Variants in CPAP observed in about 807,000 individuals in gnomAD.
CPAP encodes centrosome assembly and centriole elongation protein.
chr13:24,909,188 A>C, the CPAP span, among the ~76,000 whole-genome samples: 9 of 152,196 alleles, frequency 5.9e-5, no homozygotes, highest in African/African-American at 9.7e-5. Context: ...AAGAAGAAAA[A>C]CATATTTGAG....
At chr13:24,905,149 C>T in the CPAP span, among the ~76,000 whole-genome samples, 746 of 152,286 alleles carry the variant, frequency 4.9e-3, 6 homozygotes, top group Non-Finnish European at 6.8e-3. Context: ...GATGTTATCT[C>T]ACTTTATTAA....
At chr13:24,900,458 G>C in the CPAP span, among the ~76,000 whole-genome samples, 3 of 152,318 alleles carry the variant, frequency 2.0e-5, no homozygotes, top group South Asian at 6.2e-4. Flanking sequence ...AGACCAGCCT[G>C]ACCAACATGG....
At chr13:24,910,107 C>G in the CPAP span, 2 of 1,607,672 alleles carry the variant, frequency 1.2e-6, no homozygotes, top group African/African-American at 1.3e-5. Context: ...AGAAATGCAA[C>G]AAAGCTGATG....
At chr13:24,900,920 GGAA>G in the CPAP span, among the ~76,000 whole-genome samples, 45 of 152,276 alleles carry the variant, frequency 3.0e-4, no homozygotes, top group East Asian at 6.6e-3. Flanking sequence ...GCTGAGACAG[GGAA>G]GAAGAAGAGA....
chr13:24,899,100 G>A, the CPAP span, among the ~76,000 whole-genome samples: 1 of 152,154 alleles, frequency 6.6e-6, no homozygotes. Flanking sequence ...ACAATATTTG[G>A]TGGGTGGTAG....
At chr13:24,912,590 G>GT in the CPAP span, 1 of 1,613,438 alleles carries the variant, frequency 6.2e-7, no homozygotes, top group Non-Finnish European at 8.5e-7. Flanking sequence ...ACCTGTTCAA[G>GT]TTTTTTAAAA....
At chr13:24,894,915 G>A in the CPAP span, among the ~76,000 whole-genome samples, 4 of 152,294 alleles carry the variant, frequency 2.6e-5, no homozygotes, top group Admixed American at 6.5e-5. Flanking sequence ...GAGAGGAGCC[G>A]GGAGGGGAAA....
At chr13:24,889,282 A>C in the CPAP span, 1 of 1,402,782 alleles carries the variant, frequency 7.1e-7, no homozygotes, top group South Asian at 1.2e-5. Flanking sequence ...TTACATTCTG[A>C]AATGTTTTAT....
At chr13:24,933,436 C>G in the CPAP span, 34 of 234,142 alleles carry the variant, frequency 1.5e-4, no homozygotes, top group Admixed American at 1.7e-3. Context: ...CAAATCTATT[C>G]TTGAAGGAAA....
chr13:24,882,963 TTAGTCTATTGA>T, the CPAP span: 1 of 565,396 alleles, frequency 1.8e-6, no homozygotes, highest in Non-Finnish European at 3.2e-6. Context: ...AATGCTTTCC[TTAGTCTATTGA>T]AAGACAGGGT....
the CPAP span, among the ~76,000 whole-genome samples, chr13:24,904,345 G>T: frequency 3.3e-5 from 5 of 152,168 alleles, no homozygotes; most frequent in South Asian, 1.0e-3. Flanking sequence ...TTTCAAAGAC[G>T]AATATATATA....
chr13:24,931,436 C>T, the CPAP span, among the ~76,000 whole-genome samples: 1 of 150,992 alleles, frequency 6.6e-6, no homozygotes, highest in Non-Finnish European at 1.5e-5. Flanking sequence ...TTAGACAACA[C>T]TATAGAGTAG....
At chr13:24,906,376 G>C in the CPAP span, 1 of 1,612,590 alleles carries the variant, frequency 6.2e-7, no homozygotes, top group Middle Eastern at 1.7e-4. Context: ...GAAGAGAAAC[G>C]TCAAGAGAAG....
the CPAP span, chr13:24,899,656 G>A: frequency 2.6e-6 from 3 of 1,175,882 alleles, no homozygotes; most frequent in Non-Finnish European, 3.8e-6. Flanking sequence ...CCTGCTGACA[G>A]GCTAGTAACT....
chr13:24,895,554 CAAGAAAGAA>C, the CPAP span, among the ~76,000 whole-genome samples: 125 of 150,240 alleles, frequency 8.3e-4, no homozygotes, highest in Non-Finnish European at 9.5e-4. Flanking sequence ...GAGACTCCGT[CAAGAAAGAA>C]AAGAAAGAAA....
chr13:24,901,440 G>A, the CPAP span, among the ~76,000 whole-genome samples: 1 of 152,206 alleles, frequency 6.6e-6, no homozygotes, highest in East Asian at 1.9e-4. Context: ...GATGGGGAAA[G>A]GGGTGAGAAG....
At chr13:24,931,185 C>A in the CPAP span, among the ~76,000 whole-genome samples, 2 of 151,708 alleles carry the variant, frequency 1.3e-5, no homozygotes, top group African/African-American at 2.4e-5. Context: ...ACTTTTTGTT[C>A]ATGTTTAAGA....
chr13:24,913,568 C>G, the CPAP span, among the ~76,000 whole-genome samples: 1 of 152,198 alleles, frequency 6.6e-6, no homozygotes, highest in Non-Finnish European at 1.5e-5. Context: ...GTCCCTTCCT[C>G]TCTCGTCTCC....
the CPAP span, chr13:24,933,078 G>C: frequency 6.3e-7 from 1 of 1,590,696 alleles, no homozygotes; most frequent in Non-Finnish European, 8.6e-7. Context: ...AGAAGAAAAA[G>C]CTACAAACTG....
Sources: gnomAD v4.1 joint callset for allele counts (sites outside exome capture counted in the v4.1 genomes callset) on GRCh38, gnomAD v4.1.1 for gene constraint, MANE v1.5 for transcripts, NCBI Gene and HGNC (gene_info 2026-07-23, HGNC 2026-07-21) for gene names.